The following NRAP variants were observed in gnomAD, a reference collection of about 807,000 sequenced individuals.
NRAP encodes nebulin related anchoring protein.
A neutral mutation model predicts 225.9 loss-of-function variants in NRAP; 189 were observed. The ratio of observed to expected loss-of-function variants is 0.84; its 90% CI spans 0.74 to 0.94. The LOEUF (loss-of-function observed/expected upper bound fraction) is 0.94, where lower values mean the gene tolerates loss of function less well. NRAP is among the 40% of genes least tolerant of loss of function. The pLI is 0.00. For synonymous variants in NRAP, 769 were observed against 790.7 expected (o/e 0.97, Z 0.46); for missense variants, 2,176 against 2,168.7 (o/e 1.00, Z -0.07).
intron 17 of NRAP, 77 bp downstream of exon 17, chr10:113,631,779 TA>T: frequency 1.0e-6 from 1 of 987,984 alleles, no homozygotes; most frequent in East Asian, 2.4e-5. Context: ...TAAGAGTCAT[TA>T]TTTTTTTCAG....
Position 113,595,744 on chromosome 10 carries a change from C to A in NRAP, c.4432-17G>T, listed in dbSNP as rs780613293. ...ATACATGCGCTGTAGATAAGATGGGCTCATGGTAAATAGAGAACTGTGTGG... is the reference window on the plus strand; with the variant it reads ...ATACATGCGCTGTAGATAAGATGGGATCATGGTAAATAGAGAACTGTGTGG... On this transcript the variant is annotated splice_polypyrimidine_tract_variant and intron_variant, in intron 37 of 41. Transcript: ENST00000359988. The A allele has an allele frequency of 2.6e-6, 4 of 1,535,044 alleles. No homozygotes were observed. The highest frequency in any genetic ancestry group is 1.1e-5 in the South Asian group (1 of 89,066).
chr10:113,654,233 G>T, intron 4 of NRAP, 108 bp from the exon 5 acceptor site: 1 of 675,934 alleles, frequency 1.5e-6, no homozygotes, highest in Non-Finnish European at 2.7e-6. Flanking sequence ...ACTCCTATTG[G>T]TAAATCCTGG....
At chr10:113,652,049 GCTCCTCCTC>G in intron 6 of NRAP, 142 bp from the exon 7 acceptor site, 1 of 676,256 alleles carries the variant, frequency 1.5e-6, no homozygotes, top group South Asian at 1.6e-5. Flanking sequence ...TGTTTCATGG[GCTCCTCCTC>G]AAAAAGCATC....
At chr10:113,589,834 C>T (rs1372811951) in intron 40 of NRAP, 37 bp from the exon 41 acceptor site, 6 of 1,608,236 alleles carry the variant, frequency 3.7e-6, no homozygotes, top group African/African-American at 2.7e-5. Flanking sequence ...AATATGTCAG[C>T]AGGGTTTGGA....
intron 37 of NRAP, among the ~76,000 whole-genome samples, chr10:113,596,419 C>T (rs1846288147): frequency 6.6e-6 from 1 of 152,154 alleles, no homozygotes. Flanking sequence ...GTACAGTAGT[C>T]GGGCTGTCTG....
At position 113,589,688 on chromosome 10, in the gene NRAP, C is replaced by A; in HGVS notation, c.5066G>T (p.Gly1689Val). Residue 1689 changes from glycine (G) to valine (V), a missense_variant, in exon 41 of 42, where the codon GGC becomes GTC. Around this residue, in one of 3 missense-constraint regions of NRAP, gnomAD observed 445 missense variants for 426.1 expected, o/e 1.04. Transcript: ENST00000359988. ...CACGTAAGCTCCCTGGAGACCCAGG[C>A]CCCTTGCGTTGGCCAGTTCCGCAGC... The part of the protein sequence containing the change: ...RRAAELANAR[G>V]LGLQGAYRGA... 6.2e-7 allele frequency: 1 copy of A among 1,614,112 alleles called. No individual in the cohort carries two copies. The highest frequency in any genetic ancestry group is 8.5e-7 in the Non-Finnish European group (1 of 1,180,012).
chr10:113,650,090 C>A lies in NRAP; in HGVS notation c.835G>T (p.Ala279Ser). The part of the protein sequence containing the change: ...QKEMRGMAGP[A>S]IGAEGILTRE... ...GTCAAGATGCCCTCAGCTCCAATGG[C>A]TGGACCAGCCATTCCCCTCATTTCT... The change falls in exon 9 of 42, where the codon GCC (alanine) becomes TCC (serine). Residue 279 changes from alanine to serine, a missense_variant. Physicochemically the swap from Ala to Ser is moderately conservative, Grantham distance 99. This residue lies in a region of NRAP where 1,708 missense variants were observed against 1,695.5 expected (regional missense o/e 1.01). Transcript: ENST00000359988. The A allele has an allele frequency of 6.2e-7, 1 of 1,613,020 alleles. No homozygotes were observed. Among genetic ancestry groups the A allele is most frequent in the East Asian group, 2.2e-5 (1 of 44,880 alleles).
chr10:113,595,216 G>A (rs1038549598), intron 38 of NRAP, among the ~76,000 whole-genome samples: 47 of 152,268 alleles, frequency 3.1e-4, no homozygotes, highest in African/African-American at 9.4e-4. Context: ...TGTGGGGTGA[G>A]ATAGAGCCAC....
chr10:113,643,197 T>C (rs549630378), intron 11 of NRAP, among the ~76,000 whole-genome samples, 159 bp from the exon 12 acceptor site: 2 of 152,364 alleles, frequency 1.3e-5, no homozygotes, highest in African/African-American at 4.8e-5. Flanking sequence ...TATTTTCCTT[T>C]ATAAAAATGA....
At chr10:113,640,830 T>C (rs970100789) in intron 13 of NRAP, among the ~76,000 whole-genome samples, 2 of 152,180 alleles carry the variant, frequency 1.3e-5, no homozygotes, top group Admixed American at 6.5e-5. Flanking sequence ...ATAAACTGGA[T>C]TGACGAAGCT....
chr10:113,598,775 C>T (rs1335378692), intron 35 of NRAP, among the ~76,000 whole-genome samples: 1 of 152,224 alleles, frequency 6.6e-6, no homozygotes, highest in African/African-American at 2.4e-5. Context: ...TTTACCACCT[C>T]CTCCCACTGT....
At chr10:113,609,375 A>T (rs1000249683) in intron 31 of NRAP, among the ~76,000 whole-genome samples, 10 of 151,794 alleles carry the variant, frequency 6.6e-5, no homozygotes, top group African/African-American at 2.4e-4. Flanking sequence ...TTAAATCTAA[A>T]CTCCCCTAGC....
intron 27 of NRAP, 132 bp from the exon 28 acceptor site, chr10:113,615,078 T>A (rs1847568653): frequency 1.7e-6 from 1 of 591,384 alleles, no homozygotes; most frequent in African/African-American, 1.8e-5. Context: ...TTAGAGATCA[T>A]GGTGGCTTAG....
chr10:113,626,346 T>G (rs925199572), intron 20 of NRAP, among the ~76,000 whole-genome samples: 1 of 152,190 alleles, frequency 6.6e-6, no homozygotes, highest in African/African-American at 2.4e-5. Context: ...TAGTTGCTAT[T>G]ACTGAATGGG....
At chr10:113,645,146 C>T (rs1372352456) in intron 11 of NRAP, among the ~76,000 whole-genome samples, 3 of 152,084 alleles carry the variant, frequency 2.0e-5, no homozygotes, top group Admixed American at 6.5e-5. Flanking sequence ...AATAAGAGAA[C>T]GAGAGGGGTT....
chr10:113,594,275 C>T (rs553530527), intron 38 of NRAP, among the ~76,000 whole-genome samples: 165 of 152,308 alleles, frequency 1.1e-3, no homozygotes, highest in Non-Finnish European at 2.2e-3. Context: ...TCCAATTGTG[C>T]GTATTCTACA....
At chr10:113,640,128 G>A in intron 14 of NRAP, 99 bp downstream of exon 14, 1 of 704,908 alleles carries the variant, frequency 1.4e-6, no homozygotes, top group South Asian at 1.8e-5. Context: ...CTTATGAACT[G>A]TTGTATCATG....
At position 113,610,579 on chromosome 10, in the gene NRAP, A is replaced by T. The variant is rs1239655099; in HGVS notation, c.3499-16T>A. ...GGTACAAATTCTAGAAGAAATAATA[A>T]ATACAAAGAATCAGAAAAGCCAAGC... On this transcript the variant is annotated splice_polypyrimidine_tract_variant and intron_variant, in intron 30 of 41. Coordinates refer to ENST00000359988, the MANE Select transcript of NRAP (RefSeq NM_198060.4). The T allele has an allele frequency of 7.4e-6, 11 of 1,484,568 alleles. No individual in the cohort carries two copies. The highest frequency in any genetic ancestry group is 1.0e-5 in the Non-Finnish European group (11 of 1,062,286). The allele number at this position is 1,484,568 out of a possible 1,614,324, so 92.0% of individuals were successfully genotyped here.
At chr10:113,606,115 T>C (rs1188139659) in intron 33 of NRAP, 63 bp downstream of exon 33, 7 of 1,232,068 alleles carry the variant, frequency 5.7e-6, no homozygotes, top group African/African-American at 1.5e-5. Context: ...GTTGGGTTAC[T>C]TCACAGATGT....
Sources: allele counts gnomAD v4.1 joint callset (sites outside exome capture counted in the v4.1 genomes callset), GRCh38; gene constraint gnomAD v4.1.1; regional missense constraint gnomAD v4.1.1; transcripts MANE v1.5; gene names NCBI Gene and HGNC (gene_info 2026-07-23, HGNC 2026-07-21).